PWWP3A: variants seen among roughly 807,000 people sequenced by gnomAD.
PWWP3A encodes PWWP domain containing 3A, DNA repair factor.
Under a neutral mutation model 79.0 loss-of-function variants are expected in PWWP3A, and 53 were observed. The observed-to-expected ratio is 0.67, with a 90% CI of 0.54 to 0.84. PWWP3A has a LOEUF of 0.84. Among genes scored for constraint, PWWP3A ranks in the 40% least tolerant of loss-of-function variants. The probability of loss-of-function intolerance (pLI) is 0.00; values close to 1 mark genes in which losing one functional copy is unlikely to be tolerated. For missense variants in PWWP3A, 973 were observed against 948.0 expected, an observed-to-expected ratio of 1.03 and a Z score of -0.35; for synonymous variants, 443 against 394.4, an observed-to-expected ratio of 1.12 and a Z score of -1.46.
At position 1,356,333 on chromosome 19, in the gene PWWP3A, G is replaced by T; in HGVS notation, c.-60G>T. The T allele has an allele frequency of 3.2e-6, 5 of 1,551,600 alleles. No homozygotes were observed. Among genetic ancestry groups the T allele is most frequent in the Non-Finnish European group, 4.5e-6 (5 of 1,123,216 alleles). ...GCAAATTTCGTTCCAGGACACATTG[G>T]CGTGAGACCTGGGAGTACGTTGTGC... On this transcript the variant is annotated 5_prime_UTR_variant, in exon 2 of 14. Transcript: ENST00000591337.
In PWWP3A at chr19:1,356,380, A is replaced by G. The variant is rs1400605925; in HGVS notation, c.-13A>G. The G allele has an allele frequency of 6.8e-6, 11 of 1,613,958 alleles. No homozygotes were observed. The highest frequency in any genetic ancestry group is 6.7e-5 in the Admixed American group (4 of 60,002). ...GTGCCAAATCATTGCCACTTGCCAC[A>G]TGAGTGTAAATGATGGCGGATGCCA... On this transcript the variant is annotated 5_prime_UTR_variant, in exon 2 of 14. It removes an upstream start codon present in the reference 5' UTR. Transcript: ENST00000591337.
chr19:1,373,171 C>T lies in PWWP3A; in HGVS notation c.2075+11C>T. ...TTCGCTGAGCTACCGGTAGGCCGCT[C>T]CCGGCGCTATCTCCAGCCACTTGCG... On this transcript the variant is annotated intron_variant, in intron 13 of 13. Coordinates refer to ENST00000591337, the MANE Select transcript of PWWP3A (RefSeq NM_001369789.1). The T allele has an allele frequency of 6.2e-7, 1 of 1,611,824 alleles. No individual in the cohort carries two copies. The highest frequency in any genetic ancestry group is 8.5e-7 in the Non-Finnish European group (1 of 1,178,368).
Position 1,362,296 on chromosome 19 carries a change from T to A in PWWP3A, c.1158T>A (p.Ser386=). 1 of 1,614,160 alleles carries A rather than the reference T, an allele frequency of 6.2e-7. No individual in the cohort carries two copies. Among genetic ancestry groups the A allele is most frequent in the South Asian group, 1.1e-5 (1 of 91,080 alleles). ...EESMGSNSMR[S]ILEEDEEDEE... ...CCATGGGGTCTAATTCCATGCGTTC[T>A]ATCCTGGAGGAAGACGAGGAAGACG... The change falls in exon 6 of 14, where the codon TCT becomes TCA. Residue 386 remains serine (S), a synonymous_variant. Coordinates refer to ENST00000591337, the MANE Select transcript of PWWP3A (RefSeq NM_001369789.1).
chr19:1,365,830 G>C (rs368691736), intron 7 of PWWP3A, among the ~76,000 whole-genome samples: 15 of 152,380 alleles, frequency 9.8e-5, no homozygotes, highest in Admixed American at 5.2e-4. Context: ...GGTCGCCACT[G>C]CTCCTCACTG....
Position 1,378,171 on chromosome 19 carries a change from G to T in PWWP3A, c.*1595G>T. 1 of 152,396 alleles carries T rather than the reference G, an allele frequency of 6.6e-6. No individual in the cohort carries two copies. Among genetic ancestry groups the T allele is most frequent in the African/African-American group, 2.4e-5 (1 of 41,574 alleles). The allele number at this position is 152,396 out of a possible 1,614,324, so 9.4% of individuals were successfully genotyped here. ...TTGGCCCCCTGCTGGTCGCTGTTTC[G>T]GGGACTCGGGGCGGCCAGTACCACC... On this transcript the variant is annotated 3_prime_UTR_variant, in exon 14 of 14. Coordinates refer to ENST00000591337, the MANE Select transcript of PWWP3A (RefSeq NM_001369789.1).
chr19:1,356,183 A>G (rs1045253468), intron 1 of PWWP3A, 141 bp from the exon 2 acceptor site: 5 of 571,364 alleles, frequency 8.8e-6, no homozygotes, highest in African/African-American at 1.9e-5. Flanking sequence ...GCTTTTTGGC[A>G]TTGAGCATCT....
rs1166568073 is a variant in PWWP3A, at chr19:1,370,759, G to T, written c.1667G>T (p.Cys556Phe). The T allele has an allele frequency of 6.6e-7, 1 of 1,507,062 alleles. No homozygotes were observed. The highest frequency in any genetic ancestry group is 1.4e-5 in the African/African-American group (1 of 72,326). 93.4% of individuals were successfully genotyped at this position (1,507,062 alleles called of 1,614,324 possible). Residue 556 changes from cysteine (C) to phenylalanine (F), a missense_variant, in exon 12 of 14, where the codon TGC (cysteine) becomes TTC (phenylalanine). Physicochemically the swap from Cys to Phe is radical, Grantham distance 205 (BLOSUM62 -2). Transcript: ENST00000591337. ...TGCCCCCTGGGGCAGAGGCAGCCCT[G>T]CCGGAAAATGCTCCCCGACCGCTCG... Reference protein sequence around the residue: ...VGCPLGQRQPCRKMLPDRSRA... With the variant: ...VGCPLGQRQPFRKMLPDRSRA...
chr19:1,369,619 T>C lies in PWWP3A; in HGVS notation c.1522T>C (p.Phe508Leu). The change falls in exon 11 of 14, where the codon TTC becomes CTC. Residue 508 changes from phenylalanine (F) to leucine (L), a missense_variant. Coordinates refer to ENST00000591337, the MANE Select transcript of PWWP3A (RefSeq NM_001369789.1). This position sits in a 1 kb window ranked among gnomAD's most constrained non-coding sequence, Gnocchi z 4.0. ...AGGCTGCGGGTCTTTTGCTGGCTCT[T>C]TCCTGGAATATTACGCGGCTGATAT... ...RLGCGSFAGS[F>L]LEYYAADISY... is the part of the protein sequence containing the mutation. 1 of 1,614,206 alleles carries C rather than the reference T, an allele frequency of 6.2e-7. No homozygotes were observed. The highest frequency in any genetic ancestry group is 8.5e-7 in the Non-Finnish European group (1 of 1,180,024).
At chr19:1,356,486 A>ATC (rs766062146) in intron 2 of PWWP3A, 37 bp downstream of exon 2, 3 of 1,605,174 alleles carry the variant, frequency 1.9e-6, no homozygotes, top group Non-Finnish European at 2.6e-6. Context: ...GGACTTAGAA[A>ATC]TGACTTTCGG....
In PWWP3A at chr19:1,373,116, G is replaced by A. The variant is rs757014593; in HGVS notation, c.2031G>A (p.Lys677=). The change falls in exon 13 of 14, where the codon AAG becomes AAA. Residue 677 remains lysine (K), a synonymous_variant. Coordinates refer to ENST00000591337, the MANE Select transcript of PWWP3A (RefSeq NM_001369789.1). ...AISAVDEVDY[K]TAEEKYIKGP... ...CTGCGGTGGACGAGGTGGACTACAA[G>A]ACGGCTGAGGAGAAGTACATCAAGG... The A allele has an allele frequency of 1.9e-6, 3 of 1,614,234 alleles. No individual in the cohort carries two copies. Among genetic ancestry groups the A allele is most frequent in the Non-Finnish European group, 2.5e-6 (3 of 1,180,032 alleles).
rs777885813 is a variant in PWWP3A at position 1,360,914 on chromosome 19, A to C, written c.993A>C (p.Pro331=). ...CCGCACCATCCCCCGGGCCGGGGCC[A>C]GGGCCCAGAGAGTCTGTGACCCCGC... ...AGAAPSPGPG[P]GPRESVTPRS... is the part of the protein sequence containing the mutation. The change falls in exon 5 of 14, where the codon CCA becomes CCC. Residue 331 remains proline (P), a synonymous_variant. Transcript: ENST00000591337. This position sits in a 1 kb window ranked among gnomAD's most constrained non-coding sequence, Gnocchi z 4.4. 6.5e-7 allele frequency: 1 copy of C among 1,539,050 alleles called. No homozygotes were observed. The highest frequency in any genetic ancestry group is 8.8e-7 in the Non-Finnish European group (1 of 1,141,852).
intron 5 of PWWP3A, 168 bp from the exon 6 acceptor site, chr19:1,362,082 T>C (rs1020285562): frequency 4.5e-6 from 2 of 446,422 alleles, no homozygotes; most frequent in East Asian, 7.3e-5. Flanking sequence ...TTCTTTAAAA[T>C]GTAGTTTATT....
At chr19:1,375,509 A>G (rs28719125) in intron 13 of PWWP3A, among the ~76,000 whole-genome samples, 3 of 14,322 alleles carry the variant, frequency 2.1e-4, no homozygotes, top group Non-Finnish European at 3.8e-4. Flanking sequence ...TTTTATATAT[A>G]ATATATAAAA....
rs2144739816 is a variant in PWWP3A at position 1,368,003 on chromosome 19, C to T, written c.1422+783C>T. ...GCAGCGGTGCGATCTCAGCTCACTGCAACCTCCACCTCCTGGGTTCATGCG... is the reference window on the plus strand; with the variant it reads ...GCAGCGGTGCGATCTCAGCTCACTGTAACCTCCACCTCCTGGGTTCATGCG... On this transcript the variant is annotated intron_variant, in intron 9 of 13. Transcript: ENST00000591337. This position sits in a 1 kb window ranked among gnomAD's most constrained non-coding sequence, Gnocchi z 4.7. Among the ~76,000 whole-genome samples, 1 of 152,298 alleles carries T rather than the reference C, an allele frequency of 6.6e-6. No individual in the cohort carries two copies. The highest frequency in any genetic ancestry group is 2.4e-5 in the African/African-American group (1 of 41,564).
chr19:1,362,297 A>G lies in PWWP3A; in HGVS notation c.1159A>G (p.Ile387Val), dbSNP rs530834108. ...CATGGGGTCTAATTCCATGCGTTCT[A>G]TCCTGGAGGAAGACGAGGAAGACGA... is the stretch of plus-strand genomic sequence containing the variant. Reference protein sequence around the residue: ...ESMGSNSMRSILEEDEEDEEP... With the variant: ...ESMGSNSMRSVLEEDEEDEEP... The change falls in exon 6 of 14, where the codon ATC becomes GTC. Residue 387 changes from isoleucine (I) to valine (V), a missense_variant. Coordinates refer to ENST00000591337, the MANE Select transcript of PWWP3A (RefSeq NM_001369789.1). The G allele has an allele frequency of 6.8e-6, 11 of 1,614,120 alleles. No homozygotes were observed. The highest frequency in any genetic ancestry group is 6.7e-5 in the East Asian group (3 of 44,880).
intron 8 of PWWP3A, among the ~76,000 whole-genome samples, chr19:1,366,761 C>T (rs187659386): frequency 6.6e-6 from 1 of 152,370 alleles, no homozygotes; most frequent in Non-Finnish European, 1.5e-5. Context: ...GTTACCTGGT[C>T]GTTCCTTAGT....
At chr19:1,359,317 C>T (rs902827337) in intron 4 of PWWP3A, 12 of 151,678 alleles carry the variant, frequency 7.9e-5, no homozygotes, top group African/African-American at 2.2e-4. Flanking sequence ...CTGTGTCTTC[C>T]GAAAAACAGC....
chr19:1,367,287 T>G, intron 9 of PWWP3A, 67 bp downstream of exon 9: 1 of 1,338,774 alleles, frequency 7.5e-7, no homozygotes, highest in Non-Finnish European at 1.1e-6. Flanking sequence ...ATGTCCTCTG[T>G]GTGTAGCTCT....
Position 1,370,830 on chromosome 19 carries a change from G to T in PWWP3A, c.1738G>T (p.Val580Leu). The stretch of plus-strand genomic sequence containing the variant: ...CAACCAGAAGCTGGTGGAGTACATT[G>T]TGAAGGCCAAGGGCGCGGAGAGCCA... ...RANQKLVEYI[V>L]KAKGAESHLR... Residue 580 changes from valine (V) to leucine (L), a missense_variant, in exon 12 of 14, where the codon GTG becomes TTG. Coordinates refer to ENST00000591337, the MANE Select transcript of PWWP3A (RefSeq NM_001369789.1). 6.4e-7 allele frequency: 1 copy of T among 1,572,672 alleles called. No homozygotes were observed. The highest frequency in any genetic ancestry group is 1.2e-5 in the South Asian group (1 of 85,806).
Sources: allele counts gnomAD v4.1 joint callset (sites outside exome capture counted in the v4.1 genomes callset), GRCh38; gene constraint gnomAD v4.1.1; non-coding constraint Gnocchi (gnomAD v3.1); transcripts MANE v1.5; gene names NCBI Gene and HGNC (gene_info 2026-07-23, HGNC 2026-07-21).